The following ZNF804B variants were observed in gnomAD, a reference collection of about 807,000 sequenced individuals.
ZNF804B encodes zinc finger 804B.
ZNF804B carries 80 observed loss-of-function variants against 101.4 expected under a neutral mutation model. That is an observed-to-expected ratio of 0.79 (90% CI 0.66 to 0.95). The LOEUF is 0.95. Among genes scored for constraint, ZNF804B ranks in the 40% least tolerant of loss-of-function variants. ZNF804B has a pLI of 0.00. For missense variants in ZNF804B, 1,673 were observed against 1,561.9 expected (o/e 1.07, Z -1.20); for synonymous variants, 622 against 558.8 (o/e 1.11, Z -1.59).
intron 1 of ZNF804B, among the ~76,000 whole-genome samples, chr7:89,165,630 CGTAAA>C (rs1322778264): frequency 6.6e-6 from 1 of 151,930 alleles, no homozygotes; most frequent in Non-Finnish European, 1.5e-5. Flanking sequence ...ACACACTGTA[CGTAAA>C]ATTAAATGTC....
intron 2 of ZNF804B, among the ~76,000 whole-genome samples, chr7:89,249,874 T>C (rs544496577): frequency 8.5e-5 from 13 of 152,076 alleles, no homozygotes; most frequent in East Asian, 1.9e-4. Flanking sequence ...ATAAGTAGGA[T>C]TGATAGACTG....
intron 1 of ZNF804B, among the ~76,000 whole-genome samples, chr7:88,770,777 G>C (rs1025596407): frequency 2.0e-5 from 3 of 151,818 alleles, no homozygotes; most frequent in African/African-American, 7.3e-5. Context: ...GAAACAAGAA[G>C]AGCTCTCTGT....
intron 2 of ZNF804B, among the ~76,000 whole-genome samples, chr7:89,273,098 A>G (rs1789923867): frequency 6.6e-6 from 1 of 152,150 alleles, no homozygotes; most frequent in African/African-American, 2.4e-5. Flanking sequence ...CATGTAATCA[A>G]TTTTTATAAC....
intron 2 of ZNF804B, among the ~76,000 whole-genome samples, chr7:89,284,421 A>C (rs577677463): frequency 1.3e-5 from 2 of 152,336 alleles, no homozygotes; most frequent in Admixed American, 1.3e-4. Context: ...CAAAGGAAAA[A>C]TCATGATATT....
intron 2 of ZNF804B, among the ~76,000 whole-genome samples, chr7:89,310,974 T>C (rs1267706287): frequency 6.6e-6 from 1 of 151,704 alleles, no homozygotes; most frequent in East Asian, 1.9e-4. Flanking sequence ...CTTAAGATTT[T>C]TTTTTTTTTA....
chr7:88,765,874 C>T (rs1018231241), intron 1 of ZNF804B, among the ~76,000 whole-genome samples: 5 of 141,068 alleles, frequency 3.5e-5, no homozygotes, highest in African/African-American at 8.9e-5. Context: ...TTCCAAGTTA[C>T]GTAGTCTCTC....
intron 1 of ZNF804B, among the ~76,000 whole-genome samples, chr7:89,125,410 ACTT>A (rs1328369545): frequency 1.3e-5 from 2 of 151,750 alleles, no homozygotes; most frequent in African/African-American, 2.4e-5. Context: ...TAACTTTCAA[ACTT>A]CTTATTTTTA....
chr7:88,905,863 A>G (rs1792462016), intron 1 of ZNF804B, among the ~76,000 whole-genome samples: 1 of 147,396 alleles, frequency 6.8e-6, no homozygotes, highest in Non-Finnish European at 1.5e-5. Context: ...TAAATCTAGT[A>G]GAATTCAGCT....
At chr7:89,116,526 A>G (rs1231428177) in intron 1 of ZNF804B, among the ~76,000 whole-genome samples, 1 of 152,194 alleles carries the variant, frequency 6.6e-6, no homozygotes, top group East Asian at 1.9e-4. Flanking sequence ...TATTTCTTGC[A>G]TAGCTTTGAA....
chr7:88,900,992 A>AT (rs1792381473), intron 1 of ZNF804B, among the ~76,000 whole-genome samples: 2 of 151,638 alleles, frequency 1.3e-5, no homozygotes, highest in South Asian at 4.1e-4. Context: ...GTGACCTCCT[A>AT]TTTTCAATAT....
intron 1 of ZNF804B, among the ~76,000 whole-genome samples, chr7:88,760,916 A>AAT (rs941659276): frequency 5.3e-4 from 77 of 146,536 alleles, no homozygotes; most frequent in African/African-American, 1.7e-3. Flanking sequence ...ATATATAATA[A>AAT]ATATATATAT....
chr7:89,336,289 GT>G lies in ZNF804B; in HGVS notation c.3308del (p.Val1103GlufsTer5). On this transcript the variant is annotated frameshift_variant, in exon 4 of 4. Transcript: ENST00000333190. LOFTEE classifies it high-confidence loss of function. ...EDQINLDLQD[V>X]SMHINHVEGN... ...CCAAATAAATCTAGACTTACAGGAT[GT>G]AAGCATGCATATAAATCATGTAGAG... 6.2e-7 allele frequency: 1 copy of G among 1,613,820 alleles called. No individual in the cohort carries two copies. The highest frequency in any genetic ancestry group is 8.5e-7 in the Non-Finnish European group (1 of 1,179,934).
At chr7:88,827,220 T>C (rs1042900875) in intron 1 of ZNF804B, among the ~76,000 whole-genome samples, 1 of 151,876 alleles carries the variant, frequency 6.6e-6, no homozygotes, top group African/African-American at 2.4e-5. Context: ...TCCAAGAGGA[T>C]ACAGTATACA....
intron 2 of ZNF804B, among the ~76,000 whole-genome samples, chr7:89,264,697 C>T (rs1789758498): frequency 6.6e-6 from 1 of 152,150 alleles, no homozygotes; most frequent in African/African-American, 2.4e-5. Flanking sequence ...AAGGTGACCA[C>T]ATTCATACTC....
chr7:88,844,191 CAA>C (rs1282106889), intron 1 of ZNF804B, among the ~76,000 whole-genome samples: 11 of 152,200 alleles, frequency 7.2e-5, no homozygotes, highest in Non-Finnish European at 1.3e-4. Context: ...ATTATAATGC[CAA>C]AGAGTATCAT....
intron 1 of ZNF804B, among the ~76,000 whole-genome samples, chr7:89,021,725 C>A (rs1051358436): frequency 6.6e-6 from 1 of 152,150 alleles, no homozygotes; most frequent in Admixed American, 6.5e-5. Flanking sequence ...AGAGTTGCGA[C>A]AACACAGCCA....
At chr7:88,785,001 AATAG>A (rs1236953840) in intron 1 of ZNF804B, among the ~76,000 whole-genome samples, 1 of 152,282 alleles carries the variant, frequency 6.6e-6, no homozygotes, top group Non-Finnish European at 1.5e-5. Flanking sequence ...TTGTGTGGGT[AATAG>A]ATAGCACCAT....
At chr7:89,256,955 AT>A (rs1789640265) in intron 2 of ZNF804B, among the ~76,000 whole-genome samples, 3 of 152,200 alleles carry the variant, frequency 2.0e-5, no homozygotes, top group Admixed American at 2.0e-4. Flanking sequence ...CTTTTCATTT[AT>A]GATAGATATA....
chr7:88,935,577 G>A (rs1792954014), intron 1 of ZNF804B, among the ~76,000 whole-genome samples: 1 of 151,572 alleles, frequency 6.6e-6, no homozygotes, highest in African/African-American at 2.4e-5. Flanking sequence ...CAAGTGTAGG[G>A]TGGGCACCTT....
Sources: gnomAD v4.1 joint callset for allele counts (sites outside exome capture counted in the v4.1 genomes callset) on GRCh38, gnomAD v4.1.1 for gene constraint, MANE v1.5 for transcripts, NCBI Gene and HGNC (gene_info 2026-07-23, HGNC 2026-07-21) for gene names.